Variants in DNAJC6 observed in about 807,000 individuals in gnomAD.
DNAJC6 encodes the protein auxilin.
In DNAJC6, 34 loss-of-function variants were observed where a neutral mutation model predicts 110.0. That is an observed-to-expected ratio of 0.31 (90% confidence interval 0.24 to 0.41). The LOEUF is 0.41. DNAJC6 is among the 10% of genes least tolerant of loss of function. DNAJC6 has a pLI of 1.00. For missense variants in DNAJC6, 1,031 were observed against 1,207.8 expected (o/e 0.85, Z 2.17); for synonymous variants, 406 against 437.2 (o/e 0.93, Z 0.89).
chr1:65,340,587 T>A (rs373793586), intron 1 of DNAJC6, among the ~76,000 whole-genome samples: 2 of 152,314 alleles, frequency 1.3e-5, no homozygotes, highest in Admixed American at 6.5e-5. Flanking sequence ...TTTTATCCAG[T>A]CATTTAACTT....
At chr1:65,377,884 T>C (rs1645781187) in intron 4 of DNAJC6, among the ~76,000 whole-genome samples, 2 of 152,228 alleles carry the variant, frequency 1.3e-5, no homozygotes, top group Admixed American at 6.5e-5. Context: ...ACATCATCTG[T>C]ATGAAGCCTC....
intron 12 of DNAJC6, among the ~76,000 whole-genome samples, chr1:65,394,272 T>C (rs1395578832): frequency 1.3e-5 from 2 of 152,164 alleles, no homozygotes; most frequent in African/African-American, 4.8e-5. Flanking sequence ...GATGTATTGA[T>C]TGACCTGTCT....
intron 6 of DNAJC6, among the ~76,000 whole-genome samples, chr1:65,385,068 A>G (rs143418681): frequency 4.6e-5 from 7 of 152,284 alleles, no homozygotes; most frequent in African/African-American, 1.7e-4. Context: ...TTGTTTTATT[A>G]TACAGGTCTT....
chr1:65,277,737 A>G (rs1410984334), intron 1 of DNAJC6, among the ~76,000 whole-genome samples: 3 of 152,228 alleles, frequency 2.0e-5, no homozygotes, highest in African/African-American at 2.4e-5. Flanking sequence ...CCTCGCGGGC[A>G]GAACTAGGTG....
intron 4 of DNAJC6, among the ~76,000 whole-genome samples, chr1:65,372,538 G>A (rs978294478): frequency 6.6e-6 from 1 of 152,128 alleles, no homozygotes; most frequent in Non-Finnish European, 1.5e-5. Context: ...ATTCAGTACA[G>A]CTTGACCGCA....
intron 1 of DNAJC6, among the ~76,000 whole-genome samples, chr1:65,342,526 G>T (rs1645398223): frequency 6.6e-6 from 1 of 152,140 alleles, no homozygotes; most frequent in African/African-American, 2.4e-5. Flanking sequence ...CTCGTCTCCA[G>T]AACTGTGAGG....
chr1:65,412,312 G>A (rs1200816680), intron 18 of DNAJC6, among the ~76,000 whole-genome samples: 2 of 152,210 alleles, frequency 1.3e-5, no homozygotes, highest in Non-Finnish European at 2.9e-5. Context: ...CATTCAGCAA[G>A]AAGTGAGTCA....
chr1:65,406,159 C>CT lies in DNAJC6; in HGVS notation c.2491+27dup, dbSNP rs1488877019. 1.9e-6 allele frequency: 3 copies of CT among 1,596,626 alleles called. No individual in the cohort carries two copies. The African/African-American group carries it at 4.0e-5, about 21-fold the overall frequency. ...GTAAGGATAATGGTATGGGACCTAG[C>CT]TATGGGGCAGCCTGTCTATGTTGTC... is the stretch of plus-strand genomic sequence containing the variant. On this transcript the variant is annotated intron_variant, in intron 16 of 18. Transcript: ENST00000371069.
chr1:65,305,307 A>G (rs1645027359), upstream of DNAJC6, among the ~76,000 whole-genome samples: 2 of 152,226 alleles, frequency 1.3e-5, no homozygotes, highest in Non-Finnish European at 2.9e-5. Context: ...CCCATAACAT[A>G]GACATTCAAA....
chr1:65,279,748 A>T (rs774932401), intron 1 of DNAJC6: 2 of 152,176 alleles, frequency 1.3e-5, no homozygotes, highest in Non-Finnish European at 2.9e-5. Context: ...TTCCAGTAGT[A>T]GCTTCCTCTG....
At position 65,395,230 on chromosome 1, in the gene DNAJC6, T is replaced by A. The variant is rs570176422; in HGVS notation, c.2038+198T>A. On this transcript the variant is annotated intron_variant, in intron 13 of 18. Coordinates refer to ENST00000371069, the MANE Select transcript of DNAJC6 (RefSeq NM_001256864.2). ...TACAGGACAGAAACCTGCTTAACTT[T>A]GTTTTGCTCTGCTTTCCTATTTGAC... is the stretch of plus-strand genomic sequence containing the variant. Among the ~76,000 whole-genome samples, 15 of 152,330 alleles carry A rather than the reference T, an allele frequency of 9.8e-5. 1 individual carries two copies. In the South Asian group the frequency reaches 2.9e-3, roughly 29 times the overall value.
intron 17 of DNAJC6, among the ~76,000 whole-genome samples, chr1:65,410,430 G>T (rs9436730): frequency 0.027 from 4,131 of 152,204 alleles, 188 homozygotes; most frequent in African/African-American, 0.094. Context: ...CTCAATAACC[G>T]TTGTTCATTA....
intron 1 of DNAJC6, among the ~76,000 whole-genome samples, chr1:65,330,946 G>A (rs956164074): frequency 6.6e-6 from 1 of 152,176 alleles, no homozygotes; most frequent in Non-Finnish European, 1.5e-5. Flanking sequence ...GAAGGCGAGG[G>A]AAGGGCTTAC....
intron 1 of DNAJC6, among the ~76,000 whole-genome samples, chr1:65,360,150 G>T (rs1208094858): frequency 3.9e-5 from 6 of 152,170 alleles, no homozygotes; most frequent in Non-Finnish European, 8.8e-5. Context: ...TAAAATATTT[G>T]CAGAATCTGC....
intron 1 of DNAJC6, among the ~76,000 whole-genome samples, chr1:65,329,083 C>A (rs1168872859): frequency 6.6e-6 from 1 of 151,846 alleles, no homozygotes; most frequent in Non-Finnish European, 1.5e-5. Context: ...GGATGAGAGT[C>A]CTTTCCCAGT....
chr1:65,337,688 C>T (rs891542917), intron 1 of DNAJC6, among the ~76,000 whole-genome samples: 1 of 152,122 alleles, frequency 6.6e-6, no homozygotes, highest in Non-Finnish European at 1.5e-5. Context: ...AATGATTTGT[C>T]TAGCATTTAC....
intron 1 of DNAJC6, chr1:65,279,924 TAAAAG>T (rs1425590391): frequency 6.6e-6 from 1 of 152,104 alleles, no homozygotes; most frequent in Non-Finnish European, 1.5e-5. Context: ...TCAGGGAAGA[TAAAAG>T]AAAGCTACCC....
In DNAJC6 at chr1:65,401,805, G is replaced by A. The variant is rs762410856; in HGVS notation, c.2152G>A (p.Gly718Arg). The change falls in exon 15 of 19, where the codon GGA (glycine) becomes AGA (arginine). Residue 718 changes from glycine (G) to arginine (R), a missense_variant. By Grantham distance (125) the Gly-to-Arg change is moderately radical. Transcript: ENST00000371069. ...CAAGTCAGCTGCCACCAGCCCAACC[G>A]GATCCTCGCATGGTACTCCCACCCA... ...GSKSAATSPT[G>R]SSHGTPTHQS... The A allele has an allele frequency of 1.5e-5, 25 of 1,613,576 alleles. No individual in the cohort carries two copies. The highest frequency in any genetic ancestry group is 2.2e-5 in the East Asian group (1 of 44,850).
chr1:65,364,502 C>T, intron 1 of DNAJC6, 133 bp from the exon 2 acceptor site: 3 of 1,100,498 alleles, frequency 2.7e-6, no homozygotes, highest in South Asian at 1.7e-5. Context: ...GAGTGGGACA[C>T]AATTTCCAGG....
Sources: gnomAD v4.1 joint callset for allele counts (sites outside exome capture counted in the v4.1 genomes callset) on GRCh38, gnomAD v4.1.1 for gene constraint, MANE v1.5 for transcripts, NCBI Gene and HGNC (gene_info 2026-07-23, HGNC 2026-07-21) for gene names.